Variants in TPGS2 observed in about 807,000 individuals in gnomAD.
The protein encoded by TPGS2 is tubulin polyglutamylase complex subunit 2, also known as polyglutamylase subunit 2.
A neutral mutation model predicts 31.1 loss-of-function variants in TPGS2; 26 were observed. That is an observed-to-expected ratio of 0.84 (90% CI 0.61 to 1.16). The LOEUF (loss-of-function observed/expected upper bound fraction) is 1.16, where lower values mean the gene tolerates loss of function less well. Ranked by LOEUF, TPGS2 falls within the 50% of genes most tolerant of loss-of-function variation. The pLI, the probability that TPGS2 is intolerant of heterozygous loss-of-function variation, is 0.00. For missense variants in TPGS2, 351 were observed against 363.8 expected (o/e 0.96, Z 0.29); for synonymous variants, 130 against 136.6 (o/e 0.95, Z 0.34).
chr18:36,798,547 C>A lies in TPGS2; in HGVS notation c.559G>T (p.Asp187Tyr), dbSNP rs11570. ...AGGCGGTAATAGGCAGTAAAGGTGT[C>A]TGTGAGAAAATGCCAGTATAACGCT... The part of the protein sequence containing the change: ...DRALYWHFLT[D>Y]TFTAYYRLLI... Residue 187 changes from aspartate (D) to tyrosine (Y), a missense_variant, in exon 6 of 7, where the codon GAC becomes TAC. Transcript: ENST00000334295. 1 of 1,614,200 alleles carries A rather than the reference C, an allele frequency of 6.2e-7. No homozygotes were observed. The highest frequency in any genetic ancestry group is 8.5e-7 in the Non-Finnish European group (1 of 1,180,042).
At chr18:36,789,957 AGTCTT>A (rs2044251229), downstream of TPGS2, 1 of 153,132 alleles carries the variant, frequency 6.5e-6, no homozygotes, top group Non-Finnish European at 1.5e-5. Context: ...AAAATTACCC[AGTCTT>A]GGGTATGTCT....
chr18:36,800,838 T>C (rs2044775766), intron 4 of TPGS2, among the ~76,000 whole-genome samples: 1 of 152,092 alleles, frequency 6.6e-6, no homozygotes, highest in Non-Finnish European at 1.5e-5. Context: ...TACCGGCATG[T>C]GCCACCACGC....
chr18:36,785,306 A>G (rs1162285818), intron 6 of TPGS2, among the ~76,000 whole-genome samples: 2 of 152,088 alleles, frequency 1.3e-5, no homozygotes, highest in African/African-American at 2.4e-5. Flanking sequence ...TCAAAAAAAA[A>G]TTTCCTGAAC....
At chr18:36,802,029 A>G (rs914966331) in intron 4 of TPGS2, among the ~76,000 whole-genome samples, 12 of 152,226 alleles carry the variant, frequency 7.9e-5, no homozygotes, top group Non-Finnish European at 1.5e-4. Context: ...GATAGCTTCT[A>G]TTATGTGTTG....
intron 6 of TPGS2, chr18:36,798,074 G>A (rs1475206705): frequency 1.5e-5 from 14 of 914,476 alleles, no homozygotes; most frequent in African/African-American, 1.0e-4. Flanking sequence ...CAGGAAACTC[G>A]TAATAGCAGC....
Position 36,796,173 on chromosome 18 carries a change from T to C in TPGS2, c.*632A>G. 1.0e-6 allele frequency: 1 copy of C among 985,354 alleles called. No homozygotes were observed. The highest frequency in any genetic ancestry group is 1.2e-6 in the Non-Finnish European group (1 of 829,914). 61.0% of individuals were successfully genotyped at this position (985,354 alleles called of 1,614,324 possible). ...AACATACAATTGTGTACTTGAGAGG[T>C]TTCATGGAACATTATGACCCATCCA... On this transcript the variant is annotated 3_prime_UTR_variant, in exon 7 of 7. Coordinates refer to ENST00000334295, the MANE Select transcript of TPGS2 (RefSeq NM_015476.4).
downstream of TPGS2, chr18:36,780,193 A>G (rs1600701585): frequency 1.6e-6 from 2 of 1,231,656 alleles, no homozygotes; most frequent in Non-Finnish European, 2.0e-6. Context: ...TTTGGGCTGT[A>G]TTTTGTTAAT....
chr18:36,826,225 C>T (rs1402516383), intron 1 of TPGS2, among the ~76,000 whole-genome samples: 1 of 151,988 alleles, frequency 6.6e-6, no homozygotes, highest in Non-Finnish European at 1.5e-5. Flanking sequence ...TTCATAAAGG[C>T]TATGTTGCCC....
intron 1 of TPGS2, among the ~76,000 whole-genome samples, chr18:36,823,267 T>C (rs1287804803): frequency 6.6e-6 from 1 of 152,164 alleles, no homozygotes; most frequent in Admixed American, 6.5e-5. Flanking sequence ...TTCCTGTTAC[T>C]GACAGAATTC....
At chr18:36,812,266 G>T (rs1487974525) in intron 2 of TPGS2, among the ~76,000 whole-genome samples, 1 of 152,114 alleles carries the variant, frequency 6.6e-6, no homozygotes, top group African/African-American at 2.4e-5. Flanking sequence ...CAAATGACTG[G>T]CATCTCCAAG....
At chr18:36,819,315 A>G (rs1239423653) in intron 1 of TPGS2, among the ~76,000 whole-genome samples, 1 of 152,236 alleles carries the variant, frequency 6.6e-6, no homozygotes, top group African/African-American at 2.4e-5. Context: ...TACTCAGGAT[A>G]AAGTGAAAAG....
Position 36,828,942 on chromosome 18 carries a change from G to A in TPGS2, c.-175C>T, listed in dbSNP as rs1311073823. The A allele has an allele frequency of 3.1e-6, 3 of 980,224 alleles. No individual in the cohort carries two copies. Among genetic ancestry groups the A allele is most frequent in the East Asian group, 2.8e-5 (1 of 35,248 alleles). The allele number at this position is 980,224 out of a possible 1,614,324, so 60.7% of individuals were successfully genotyped here. A position where few individuals can be genotyped will look rare whatever the true frequency, so the allele number is the denominator to read the frequency against. On this transcript the variant is annotated 5_prime_UTR_variant, in exon 1 of 7. Coordinates refer to ENST00000334295, the MANE Select transcript of TPGS2 (RefSeq NM_015476.4). Reference sequence around the variant, plus strand: ...GACAGCAGCAGCTCCGTGGGGCGCCGGTTCCCGCGGCCCCGCCCGGTGCCC... The same window carrying A: ...GACAGCAGCAGCTCCGTGGGGCGCCAGTTCCCGCGGCCCCGCCCGGTGCCC...
chr18:36,810,302 G>A (rs2045361188), intron 2 of TPGS2, among the ~76,000 whole-genome samples: 1 of 152,238 alleles, frequency 6.6e-6, no homozygotes, highest in Admixed American at 6.5e-5. Flanking sequence ...AGTCCTTTAA[G>A]GTTGGAGAGA....
Position 36,797,008 on chromosome 18 carries a change from G to C in TPGS2, c.700C>G (p.Leu234Val). ...AAGGAGTCGGTCTCTTCTGTGAGCA[G>C]GTTTGTGTTGTAGGTGATAGGTTTA... ...MYKPITYNTN[L>V]LTEETDSFVN... Residue 234 changes from leucine (L) to valine (V), a missense_variant, in exon 7 of 7, where the codon CTG becomes GTG. Leu to Val is a conservative substitution (Grantham distance 32, BLOSUM62 1). Coordinates refer to ENST00000334295, the MANE Select transcript of TPGS2 (RefSeq NM_015476.4). 1 of 1,600,176 alleles carries C rather than the reference G, an allele frequency of 6.2e-7. No homozygotes were observed. Among genetic ancestry groups the C allele is most frequent in the Non-Finnish European group, 8.5e-7 (1 of 1,176,288 alleles).
intron 4 of TPGS2, among the ~76,000 whole-genome samples, chr18:36,803,528 G>A (rs1199333466): frequency 6.6e-6 from 1 of 151,926 alleles, no homozygotes; most frequent in Non-Finnish European, 1.5e-5. Context: ...TCTGCAGAGA[G>A]GTGTCTTTTA....
Position 36,795,493 on chromosome 18 carries a change from C to A in TPGS2, c.*1312G>T, listed in dbSNP as rs1188477233. On this transcript the variant is annotated 3_prime_UTR_variant, in exon 7 of 7. Transcript: ENST00000334295. ...AAAGAACTTGGGGCTAGGTGGGTGA[C>A]TCCCCACTTTCCCTGTTGGGAAGCA... 1 of 985,352 alleles carries A rather than the reference C, an allele frequency of 1.0e-6. No individual in the cohort carries two copies. 61.0% of individuals were successfully genotyped at this position (985,352 alleles called of 1,614,324 possible). A position where few individuals can be genotyped will look rare whatever the true frequency, so the allele number is the denominator to read the frequency against.
Position 36,796,865 on chromosome 18 carries a change from AC to A in TPGS2, c.842del (p.Gly281ValfsTer42). ...GGQKGPSGPS[G>X]PSTSSTSKSS... ...ATTTAGAAGTGGAGGAAGTGGAGGG[AC>A]CGGAGGGTCCTGAGGGCCCTTTCTG... On this transcript the variant is annotated frameshift_variant, in exon 7 of 7. Coordinates refer to ENST00000334295, the MANE Select transcript of TPGS2 (RefSeq NM_015476.4). LOFTEE classifies it high-confidence loss of function. The A allele has an allele frequency of 6.2e-7, 1 of 1,609,586 alleles. No homozygotes were observed.
At chr18:36,808,877 C>G (rs1431857590) in intron 2 of TPGS2, among the ~76,000 whole-genome samples, 1 of 152,112 alleles carries the variant, frequency 6.6e-6, no homozygotes, top group African/African-American at 2.4e-5. Context: ...ACCAGTCTTC[C>G]CTAGCCAACT....
At chr18:36,817,031 T>C (rs776247705) in intron 2 of TPGS2, among the ~76,000 whole-genome samples, 24 of 152,264 alleles carry the variant, frequency 1.6e-4, no homozygotes, top group Non-Finnish European at 2.6e-4. Context: ...GAGGCCAGAC[T>C]GGCATAGTCA....
Sources: gnomAD v4.1 joint callset for allele counts (sites outside exome capture counted in the v4.1 genomes callset) on GRCh38, gnomAD v4.1.1 for gene constraint, MANE v1.5 for transcripts, NCBI Gene and HGNC (gene_info 2026-07-23, HGNC 2026-07-21) for gene names.